BCKDHB: variants seen among roughly 807,000 people sequenced by gnomAD.
BCKDHB encodes the protein branched chain keto acid dehydrogenase E1 subunit beta, also known as 2-oxoisovalerate dehydrogenase subunit beta, mitochondrial.
Under a neutral mutation model 48.5 loss-of-function variants are expected in BCKDHB, and 41 were observed. That is an observed-to-expected ratio of 0.85 (90% CI 0.66 to 1.10). The LOEUF is 1.10. BCKDHB is among the 50% of genes least tolerant of loss of function. The pLI, the probability that BCKDHB is intolerant of heterozygous loss-of-function variation, is 0.00. For missense variants in BCKDHB, 496 were observed against 494.2 expected (o/e 1.00, Z -0.03); for synonymous variants, 201 against 174.8 (o/e 1.15, Z -1.18).
intron 9 of BCKDHB, among the ~76,000 whole-genome samples, chr6:80,324,973 C>T (rs1768958507): frequency 6.6e-6 from 1 of 152,210 alleles, no homozygotes; most frequent in Non-Finnish European, 1.5e-5. Flanking sequence ...ACAGCCAGTA[C>T]TACCCACTAT....
At chr6:80,241,293 C>T (rs1286597265) in intron 8 of BCKDHB, among the ~76,000 whole-genome samples, 4 of 152,156 alleles carry the variant, frequency 2.6e-5, no homozygotes, top group Non-Finnish European at 5.9e-5. Context: ...TGTTCCGTTG[C>T]TGGTGAGGAG....
At position 80,106,772 on chromosome 6, in the gene BCKDHB, C is replaced by T. The variant is rs955755199; in HGVS notation, c.79C>T (p.Pro27Ser). 15 of 1,589,242 alleles carry T rather than the reference C, an allele frequency of 9.4e-6. No individual in the cohort carries two copies. In the South Asian group the frequency reaches 1.3e-4, roughly 13 times the overall value. ...AGAEGHWRRL[P>S]GAGLARGFLH... ...GGCTGAGGGGCACTGGCGTCGGCTT[C>T]CTGGCGCGGGGCTGGCGCGGGGCTT... Residue 27 changes from proline to serine, a missense_variant, in exon 1 of 10, where the codon CCT (proline) becomes TCT (serine). Coordinates refer to ENST00000320393, the MANE Select transcript of BCKDHB (RefSeq NM_183050.4).
chr6:80,380,419 A>G, the BCKDHB span, among the ~76,000 whole-genome samples: 2 of 151,906 alleles, frequency 1.3e-5, no homozygotes, highest in African/African-American at 4.8e-5. Context: ...CTCTCTTACT[A>G]TATAAAAAAA....
intron 1 of BCKDHB, among the ~76,000 whole-genome samples, chr6:80,110,228 G>A (rs1001913284): frequency 2.0e-5 from 3 of 152,124 alleles, no homozygotes; most frequent in African/African-American, 7.2e-5. Context: ...GGCATTGTAT[G>A]GATGTGAGTT....
At chr6:80,389,574 A>G in the BCKDHB span, among the ~76,000 whole-genome samples, 5 of 152,198 alleles carry the variant, frequency 3.3e-5, no homozygotes, top group Non-Finnish European at 7.3e-5. Context: ...ATCCACCATC[A>G]TGGTGTTCCA....
At chr6:80,432,230 T>C in the BCKDHB span, among the ~76,000 whole-genome samples, 1 of 152,186 alleles carries the variant, frequency 6.6e-6, no homozygotes, top group East Asian at 1.9e-4. Context: ...TTGGCCTGCC[T>C]TGCTAGGTTG....
chr6:80,298,715 C>G (rs1767395975), intron 9 of BCKDHB, among the ~76,000 whole-genome samples: 1 of 152,136 alleles, frequency 6.6e-6, no homozygotes, highest in South Asian at 2.1e-4. Flanking sequence ...CCCTAAGTAA[C>G]AGAGAAGATT....
intron 6 of BCKDHB, among the ~76,000 whole-genome samples, chr6:80,179,078 A>C (rs1773295735): frequency 6.6e-6 from 1 of 152,038 alleles, no homozygotes; most frequent in South Asian, 2.1e-4. Context: ...GATGGAGTGC[A>C]GTTGTGTGAT....
the BCKDHB span, among the ~76,000 whole-genome samples, chr6:80,458,013 A>G: frequency 3.3e-5 from 5 of 152,286 alleles, no homozygotes; most frequent in Admixed American, 1.3e-4. Flanking sequence ...CTGTCTTCCT[A>G]TATAAGCTAC....
chr6:80,183,291 C>T (rs991948084), intron 6 of BCKDHB, among the ~76,000 whole-genome samples: 3 of 151,904 alleles, frequency 2.0e-5, no homozygotes, highest in African/African-American at 7.3e-5. Context: ...TACTGTGGGG[C>T]GGCAAGACTC....
rs1380402024 is a variant in BCKDHB, at chr6:80,129,164, TATTTGGTGAAG to T, written c.281_291del (p.Phe94CysfsTer8). The T allele has an allele frequency of 6.2e-7, 1 of 1,605,882 alleles. No individual in the cohort carries two copies. The highest frequency in any genetic ancestry group is 8.5e-7 in the Non-Finnish European group (1 of 1,174,062). ...TTATTTAAATACTGTTTTTCAGTAATATTTGGTGAAGATGTTGCCTTTGGTGGAGTCTTTAG... is the reference window on the plus strand; with the variant it reads ...TTATTTAAATACTGTTTTTCAGTAATATGTTGCCTTTGGTGGAGTCTTTAG... On this transcript the variant is annotated frameshift_variant, in exon 3 of 10. Transcript: ENST00000320393. LOFTEE classifies it high-confidence loss of function.
chr6:80,191,560 C>A (rs569021275), intron 6 of BCKDHB, among the ~76,000 whole-genome samples: 3 of 152,146 alleles, frequency 2.0e-5, no homozygotes, highest in Non-Finnish European at 4.4e-5. Context: ...CCTTCCCCCC[C>A]TCATGTTTTA....
intron 9 of BCKDHB, among the ~76,000 whole-genome samples, chr6:80,323,728 T>G (rs1768867395): frequency 6.6e-6 from 1 of 152,242 alleles, no homozygotes; most frequent in Non-Finnish European, 1.5e-5. Context: ...ATTGTGCTGC[T>G]CCTTTTCAAT....
At chr6:80,288,996 A>G (rs1335366363) in intron 9 of BCKDHB, among the ~76,000 whole-genome samples, 1 of 152,146 alleles carries the variant, frequency 6.6e-6, no homozygotes, top group Non-Finnish European at 1.5e-5. Flanking sequence ...CTGTGTGTAT[A>G]TAAATAGATG....
chr6:80,218,001 G>C (rs947264052), intron 8 of BCKDHB, among the ~76,000 whole-genome samples: 2 of 152,138 alleles, frequency 1.3e-5, no homozygotes, highest in Non-Finnish European at 1.5e-5. Flanking sequence ...GAGACATAGT[G>C]CATGGTACTA....
chr6:80,202,155 T>C (rs543119857), intron 7 of BCKDHB, among the ~76,000 whole-genome samples: 1 of 152,284 alleles, frequency 6.6e-6, no homozygotes, highest in South Asian at 2.1e-4. Context: ...TTAATTCAGA[T>C]AACTTGCTCT....
At chr6:80,270,214 A>G (rs1054017412) in intron 8 of BCKDHB, among the ~76,000 whole-genome samples, 1 of 152,274 alleles carries the variant, frequency 6.6e-6, no homozygotes, top group Middle Eastern at 3.4e-3. Context: ...AGTTCAGTAT[A>G]TGCTAATTGA....
chr6:80,387,895 G>A, the BCKDHB span, among the ~76,000 whole-genome samples: 1 of 152,176 alleles, frequency 6.6e-6, no homozygotes, highest in Non-Finnish European at 1.5e-5. Context: ...CAAACACACT[G>A]GACTTATTGG....
At chr6:80,383,103 C>T in the BCKDHB span, among the ~76,000 whole-genome samples, 1 of 152,080 alleles carries the variant, frequency 6.6e-6, no homozygotes, top group Admixed American at 6.6e-5. Flanking sequence ...CTATTTTGGT[C>T]TTGTGGCAGG....
Sources: gnomAD v4.1 joint callset for allele counts (sites outside exome capture counted in the v4.1 genomes callset) on GRCh38, gnomAD v4.1.1 for gene constraint, MANE v1.5 for transcripts, NCBI Gene and HGNC (gene_info 2026-07-23, HGNC 2026-07-21) for gene names.